Variants in TCF4 observed in about 807,000 individuals in gnomAD.
The protein encoded by TCF4 is transcription factor 4.
TCF4 carries 3 observed loss-of-function variants against 82.1 expected under a neutral mutation model. That is an observed-to-expected ratio of 0.04 (90% CI 0.02 to 0.09). The LOEUF is 0.09. Among genes scored for constraint, TCF4 ranks in the 10% least tolerant of loss-of-function variants. TCF4 has a pLI of 1.00. For synonymous variants in TCF4, 276 were observed against 309.6 expected, an observed-to-expected ratio of 0.89 and a Z score of 1.14; for missense variants, 518 against 852.7, an observed-to-expected ratio of 0.61 and a Z score of 4.89.
intron 3 of TCF4, among the ~76,000 whole-genome samples, chr18:55,575,102 A>G (rs919395100): frequency 5.9e-5 from 9 of 152,322 alleles, no homozygotes; most frequent in African/African-American, 1.9e-4. Context: ...TATACACCCC[A>G]TATAAAAGAG....
At chr18:55,235,209 T>C (rs1233617429) in intron 15 of TCF4, among the ~76,000 whole-genome samples, 1 of 152,106 alleles carries the variant, frequency 6.6e-6, no homozygotes, top group Non-Finnish European at 1.5e-5. Context: ...ACACAGCCTC[T>C]GCTTGGTACA....
chr18:55,298,792 T>C (rs903059024), intron 8 of TCF4, among the ~76,000 whole-genome samples: 2 of 152,134 alleles, frequency 1.3e-5, no homozygotes, highest in Non-Finnish European at 2.9e-5. Flanking sequence ...CAAAATAAAA[T>C]TGTCATCAAG....
intron 3 of TCF4, among the ~76,000 whole-genome samples, chr18:55,576,672 C>A (rs2097530740): frequency 6.6e-6 from 1 of 152,080 alleles, no homozygotes; most frequent in Non-Finnish European, 1.5e-5. Context: ...TTTCCATGAA[C>A]CCTTCATTAT....
intron 3 of TCF4, among the ~76,000 whole-genome samples, chr18:55,555,714 C>T (rs536570485): frequency 6.6e-6 from 1 of 152,270 alleles, no homozygotes; most frequent in East Asian, 1.9e-4. Context: ...AGAGAAGTCT[C>T]TAATCCTTCC....
chr18:55,442,922 T>C (rs1396681082), intron 5 of TCF4, among the ~76,000 whole-genome samples: 2 of 152,220 alleles, frequency 1.3e-5, no homozygotes, highest in Non-Finnish European at 2.9e-5. Flanking sequence ...TCCTACACAC[T>C]GGTATAAATG....
intron 6 of TCF4, among the ~76,000 whole-genome samples, chr18:55,369,110 A>G (rs754509764): frequency 1.4e-4 from 22 of 152,216 alleles, no homozygotes; most frequent in Non-Finnish European, 3.1e-4. Context: ...GAAACTGGAT[A>G]ATGAATACAT....
chr18:55,554,094 T>A (rs1281893189), intron 3 of TCF4, among the ~76,000 whole-genome samples: 1 of 152,160 alleles, frequency 6.6e-6, no homozygotes, highest in African/African-American at 2.4e-5. Flanking sequence ...AGAACAGATT[T>A]AATGACTAAA....
chr18:55,283,532 T>C (rs1002793848), intron 8 of TCF4, among the ~76,000 whole-genome samples: 2 of 152,202 alleles, frequency 1.3e-5, no homozygotes, highest in Admixed American at 1.3e-4. Context: ...ATACATTATA[T>C]CTAACCTTCA....
At chr18:55,499,142 G>T (rs978131997) in intron 3 of TCF4, among the ~76,000 whole-genome samples, 1 of 152,142 alleles carries the variant, frequency 6.6e-6, no homozygotes, top group Non-Finnish European at 1.5e-5. Flanking sequence ...GAAGAAACTT[G>T]TTTACTCAGA....
chr18:55,588,343 ACGCGACTTGCTC>A, upstream of TCF4: 1 of 1,482,622 alleles, frequency 6.7e-7, no homozygotes, highest in Non-Finnish European at 8.9e-7. Flanking sequence ...CGGCGGGGAG[ACGCGACTTGCTC>A]CGGGTCGGGC....
chr18:55,538,089 A>T (rs2097135099), intron 3 of TCF4, among the ~76,000 whole-genome samples: 1 of 152,026 alleles, frequency 6.6e-6, no homozygotes, highest in Admixed American at 6.6e-5. Flanking sequence ...AAATCAAGAG[A>T]AAAAGGGCAA....
intron 10 of TCF4, among the ~76,000 whole-genome samples, chr18:55,271,492 G>C (rs1430397169): frequency 6.6e-6 from 1 of 152,038 alleles, no homozygotes; most frequent in Admixed American, 6.6e-5. Flanking sequence ...ACGTATTAGA[G>C]GTAGGATTTT....
At chr18:55,421,021 T>C (rs1263032653) in intron 5 of TCF4, among the ~76,000 whole-genome samples, 1 of 152,048 alleles carries the variant, frequency 6.6e-6, no homozygotes, top group Non-Finnish European at 1.5e-5. Context: ...TCAGATTGCT[T>C]ACAGGTGAAA....
intron 3 of TCF4, among the ~76,000 whole-genome samples, chr18:55,554,520 G>A (rs1400100702): frequency 2.0e-5 from 3 of 152,010 alleles, no homozygotes; most frequent in South Asian, 4.1e-4. Context: ...TTATATTCGT[G>A]TGTACTCCTC....
intron 3 of TCF4, among the ~76,000 whole-genome samples, chr18:55,500,341 G>C (rs1179367454): frequency 6.6e-6 from 1 of 152,180 alleles, no homozygotes; most frequent in African/African-American, 2.4e-5. Context: ...AATAGCAGGG[G>C]AAAGGAGTGG....
intron 8 of TCF4, among the ~76,000 whole-genome samples, chr18:55,348,551 C>A (rs1162845036): frequency 6.6e-6 from 1 of 152,130 alleles, no homozygotes; most frequent in Non-Finnish European, 1.5e-5. Flanking sequence ...CACGACATAG[C>A]AGCAACACCT....
chr18:55,258,101 A>G (rs1008564879), intron 13 of TCF4, among the ~76,000 whole-genome samples: 2 of 152,168 alleles, frequency 1.3e-5, no homozygotes, highest in Admixed American at 6.6e-5. Context: ...AGGAAAAAAT[A>G]ATAGCTATGA....
rs2048198425 is a variant in TCF4 at position 55,232,574 on chromosome 18, A to G, written c.1584T>C (p.Ser528=). ...CGTCATCTAATTTCTTGTCCTCCGA[A>G]GATTTCGTGTCTTGCAGGTTCTCAT... ...EGDENLQDTK[S]SEDKKLDDDK... is the part of the protein sequence containing the mutation. Residue 528 remains serine (S), a synonymous_variant, in exon 17 of 20, where the codon TCT becomes TCC. Transcript: ENST00000354452. The G allele has an allele frequency of 6.2e-7, 1 of 1,614,052 alleles. No individual in the cohort carries two copies. Among genetic ancestry groups the G allele is most frequent in the Non-Finnish European group, 8.5e-7 (1 of 1,180,044 alleles).
At chr18:55,403,704 A>T in intron 5 of TCF4, 186 bp from the exon 6 acceptor site, 1 of 1,543,532 alleles carries the variant, frequency 6.5e-7, no homozygotes, top group Non-Finnish European at 8.7e-7. Context: ...CTGGAAAAAA[A>T]TATCCTTCAT....
Sources: allele counts gnomAD v4.1 joint callset (sites outside exome capture counted in the v4.1 genomes callset), GRCh38; gene constraint gnomAD v4.1.1; transcripts MANE v1.5; gene names NCBI Gene and HGNC (gene_info 2026-07-23, HGNC 2026-07-21).